LACTBL1: variants seen among roughly 807,000 people sequenced by gnomAD.
The protein encoded by LACTBL1 is lactamase beta like 1, also known as beta-lactamase-like protein 1.
In LACTBL1, 29 loss-of-function variants were observed where a neutral mutation model predicts 39.6. That is an observed-to-expected ratio of 0.73 (90% confidence interval 0.55 to 1.00). The LOEUF is 1.00. LACTBL1 is among the 50% of genes least tolerant of loss of function. The pLI is 0.00. For synonymous variants in LACTBL1, 361 were observed against 360.7 expected (o/e 1.00, Z -0.01); for missense variants, 711 against 748.5 (o/e 0.95, Z 0.59).
chr1:22,960,851 C>G (rs547682684), intron 2 of LACTBL1, among the ~76,000 whole-genome samples: 1 of 152,142 alleles, frequency 6.6e-6, no homozygotes, highest in Non-Finnish European at 1.5e-5. Flanking sequence ...TCAAGCACAG[C>G]TCACTGCAGC....
chr1:22,963,322 A>G, intron 1 of LACTBL1, 106 bp from the exon 4 acceptor site: 2 of 536,398 alleles, frequency 3.7e-6, no homozygotes, highest in East Asian at 3.5e-5. Context: ...AGCCCTCCCC[A>G]GCCGAGCCGA....
chr1:22,956,398 G>A (rs1185796312), intron 4 of LACTBL1, among the ~76,000 whole-genome samples: 3 of 151,970 alleles, frequency 2.0e-5, no homozygotes, highest in South Asian at 4.2e-4. Flanking sequence ...GGAGAAAGAG[G>A]AGGAGGAGGA....
chr1:22,953,966 C>T (rs867522654), exon 6 of LACTBL1: 2 of 1,549,134 alleles, frequency 1.3e-6, no homozygotes, highest in East Asian at 2.5e-5. Context: ...TCGCCCTGGG[C>T]GGTGTGAGCT....
the LACTBL1 span, chr1:22,972,805 T>C: frequency 1.1e-6 from 1 of 930,138 alleles, no homozygotes; most frequent in Non-Finnish European, 1.3e-6. Context: ...AACAGGGCAG[T>C]TAGGGCCCCA....
the LACTBL1 span, among the ~76,000 whole-genome samples, chr1:22,972,139 AGATGATGATGATGATGATGATGAT>A: frequency 1.1e-4 from 16 of 148,264 alleles, no homozygotes; most frequent in East Asian, 4.0e-4. Flanking sequence ...CAAGCTCTAG[AGATGATGATGATGATGATGATGAT>A]GATGATGATG....
chr1:22,970,434 T>C, the LACTBL1 span, among the ~76,000 whole-genome samples: 54 of 152,194 alleles, frequency 3.5e-4, no homozygotes, highest in Non-Finnish European at 5.9e-4. Flanking sequence ...ACTCAATGGT[T>C]GTCTGGAGGT....
upstream of LACTBL1, among the ~76,000 whole-genome samples, chr1:22,966,033 A>G (rs1173081980): frequency 1.3e-5 from 2 of 152,220 alleles, no homozygotes; most frequent in African/African-American, 4.8e-5. Context: ...TAATGGCACA[A>G]TCTTGTAAAT....
At chr1:22,955,011 TC>T (rs1640746777) in intron 5 of LACTBL1, among the ~76,000 whole-genome samples, 1 of 152,254 alleles carries the variant, frequency 6.6e-6, no homozygotes, top group African/African-American at 2.4e-5. Flanking sequence ...TCACGGTGTC[TC>T]CCTCACAAGA....
chr1:22,969,298 A>C (rs1252486983), upstream of LACTBL1, among the ~76,000 whole-genome samples: 1 of 152,170 alleles, frequency 6.6e-6, no homozygotes, highest in Admixed American at 6.6e-5. Flanking sequence ...TTATTTTTCC[A>C]TTTGGATAAT....
chr1:22,953,474 C>A lies in LACTBL1; in HGVS notation c.1210G>T (p.Glu404Ter). 1.6e-6 allele frequency: 2 copies of A among 1,228,662 alleles called. No individual in the cohort carries two copies. The highest frequency in any genetic ancestry group is 2.0e-6 in the Non-Finnish European group (2 of 986,212). The allele number at this position is 1,228,662 out of a possible 1,614,324, so 76.1% of individuals were successfully genotyped here. The change falls in exon 6 of 6, where the codon GAG (glutamate) becomes TAG (stop). Residue 404 changes from glutamate (E) to a stop codon, truncating the protein, a stop_gained. Transcript: ENST00000426928. LOFTEE classifies it high-confidence loss of function. The stretch of plus-strand genomic sequence containing the variant: ...GCGCGCTCCAGGGCGGGCAGGAGCT[C>A]ATCGTAGGCCCGCGCCACCAGGTCG...
chr1:22,954,852 G>T (rs896166546), intron 5 of LACTBL1, among the ~76,000 whole-genome samples: 1 of 152,074 alleles, frequency 6.6e-6, no homozygotes, highest in Non-Finnish European at 1.5e-5. Flanking sequence ...GCTGGGGAGT[G>T]CCAGCTGTCC....
intron 4 of LACTBL1, among the ~76,000 whole-genome samples, chr1:22,958,045 T>A (rs150470258): frequency 0.015 from 2,338 of 152,310 alleles, 43 homozygotes; most frequent in African/African-American, 0.051. Context: ...TGTAATAATT[T>A]GTAGGTGACT....
chr1:22,971,435 A>C, the LACTBL1 span, among the ~76,000 whole-genome samples: 1 of 152,124 alleles, frequency 6.6e-6, no homozygotes, highest in Non-Finnish European at 1.5e-5. Context: ...CCAGCTGGAA[A>C]TTGCTGGCAG....
the LACTBL1 span, among the ~76,000 whole-genome samples, chr1:22,971,736 G>A: frequency 1.3e-5 from 2 of 152,196 alleles, no homozygotes; most frequent in Non-Finnish European, 2.9e-5. Context: ...ACTTGACTCT[G>A]GCTCTGCCGT....
chr1:22,965,430 G>A, upstream of LACTBL1: 2 of 1,247,054 alleles, frequency 1.6e-6, no homozygotes, highest in Non-Finnish European at 2.0e-6. Context: ...GCCATCCTGG[G>A]AGAGCAAGGA....
At chr1:22,960,488 G>T (rs1201585421) in intron 2 of LACTBL1, among the ~76,000 whole-genome samples, 5 of 151,982 alleles carry the variant, frequency 3.3e-5, no homozygotes, top group African/African-American at 1.2e-4. Flanking sequence ...ATGGTGGCGG[G>T]CGCCTGTAAT....
At chr1:22,958,877 G>A (rs1403508715) in exon 4 of LACTBL1, 22 of 1,550,262 alleles carry the variant, frequency 1.4e-5, no homozygotes, top group Admixed American at 9.8e-5. Context: ...TCCCACAGAC[G>A]GTACAGCATG....
At chr1:22,960,264 A>G (rs1275625311) in intron 2 of LACTBL1, among the ~76,000 whole-genome samples, 165 bp from the exon 5 acceptor site, 1 of 152,182 alleles carries the variant, frequency 6.6e-6, no homozygotes, top group Admixed American at 6.5e-5. Flanking sequence ...CTTCTTCATA[A>G]GATGTTTTCT....
At chr1:22,965,098 G>A (rs984926014) in intron 1 of LACTBL1, among the ~76,000 whole-genome samples, 192 bp downstream of exon 3, 5 of 152,134 alleles carry the variant, frequency 3.3e-5, no homozygotes, top group South Asian at 2.1e-4. Flanking sequence ...CGAGGACATC[G>A]AGGCACAGAG....
Sources: allele counts gnomAD v4.1 joint callset (sites outside exome capture counted in the v4.1 genomes callset), GRCh38; gene constraint gnomAD v4.1.1; transcripts MANE v1.5; gene names NCBI Gene and HGNC (gene_info 2026-07-23, HGNC 2026-07-21).